Variants in CSF1 observed in about 807,000 individuals in gnomAD.
CSF1 encodes the protein colony stimulating factor 1.
In CSF1, 9 loss-of-function variants were observed where a neutral mutation model predicts 48.9. The ratio of observed to expected loss-of-function variants is 0.18; its 90% CI spans 0.11 to 0.32. The LOEUF (loss-of-function observed/expected upper bound fraction) is 0.32. CSF1 is among the 10% of genes least tolerant of loss of function. The probability of loss-of-function intolerance (pLI) is 1.00; values close to 1 mark genes in which losing one functional copy is unlikely to be tolerated. For missense variants in CSF1, 672 were observed against 697.9 expected (o/e 0.96, Z 0.42); for synonymous variants, 305 against 284.1 (o/e 1.07, Z -0.74).
At chr1:109,919,098 C>T (rs998621054) in intron 4 of CSF1, among the ~76,000 whole-genome samples, 8 of 152,104 alleles carry the variant, frequency 5.3e-5, no homozygotes, top group African/African-American at 1.9e-4. Flanking sequence ...GATTTGGCAA[C>T]GTGTCACACA....
chr1:109,920,564 G>T (rs528254847), intron 4 of CSF1, among the ~76,000 whole-genome samples: 8 of 152,256 alleles, frequency 5.3e-5, no homozygotes, highest in African/African-American at 1.9e-4. Flanking sequence ...TGATCAGCCT[G>T]CCTCGGCCTC....
chr1:109,912,479 C>G (rs543022605), intron 1 of CSF1, among the ~76,000 whole-genome samples: 1 of 152,246 alleles, frequency 6.6e-6, no homozygotes, highest in East Asian at 1.9e-4. Flanking sequence ...TGTTAACCCC[C>G]CACTGTCTGT....
intron 2 of CSF1, 102 bp from the exon 3 acceptor site, chr1:109,915,532 A>C: frequency 1.0e-6 from 1 of 982,728 alleles, no homozygotes; most frequent in Non-Finnish European, 1.6e-6. Context: ...TGAAGTTCAA[A>C]CCCCAATCCA....
intron 4 of CSF1, among the ~76,000 whole-genome samples, 170 bp from the exon 5 acceptor site, chr1:109,921,677 T>C (rs1647549841): frequency 6.6e-6 from 1 of 152,166 alleles, no homozygotes; most frequent in African/African-American, 2.4e-5. Flanking sequence ...ATAAATGACA[T>C]ATCTCATAAC....
At chr1:109,920,767 A>C (rs550200583) in intron 4 of CSF1, among the ~76,000 whole-genome samples, 1 of 152,304 alleles carries the variant, frequency 6.6e-6, no homozygotes, top group African/African-American at 2.4e-5. Flanking sequence ...AGTGGCATTT[A>C]GGCCCTGGAT....
intron 4 of CSF1, among the ~76,000 whole-genome samples, chr1:109,920,976 C>T (rs1647504100): frequency 6.6e-6 from 1 of 152,104 alleles, no homozygotes; most frequent in Admixed American, 6.5e-5. Context: ...GAAGCCGGGG[C>T]CCCTTGAGCA....
chr1:109,922,337 C>T (rs1647596106), intron 5 of CSF1: 2 of 212,574 alleles, frequency 9.4e-6, no homozygotes, highest in Admixed American at 5.9e-5. Flanking sequence ...GCTCTGCAGG[C>T]TGGCTGAACG....
At position 109,924,822 on chromosome 1, in the gene CSF1, AG is replaced by A; in HGVS notation, c.1619del (p.Gly540AlafsTer4). Reference protein sequence around the residue: ...QRADSPLEQPEGSPLTQDDRQ... With the variant: ...QRADSPLEQPXGSPLTQDDRQ... ...GCGGATTCTCCCTTGGAGCAACCAG[AG>A]GGCAGGTGAGAGCTTGAGGTGGGGC... On this transcript the variant is annotated frameshift_variant, in exon 7 of 9. Transcript: ENST00000329608. LOFTEE classifies it high-confidence loss of function. The A allele has an allele frequency of 6.2e-7, 1 of 1,605,718 alleles. No individual in the cohort carries two copies. Among genetic ancestry groups the A allele is most frequent in the Non-Finnish European group, 8.5e-7 (1 of 1,175,982 alleles).
At chr1:109,919,883 A>G (rs932068417) in intron 4 of CSF1, among the ~76,000 whole-genome samples, 2 of 152,034 alleles carry the variant, frequency 1.3e-5, no homozygotes, top group African/African-American at 2.4e-5. Flanking sequence ...CGCTTGACCC[A>G]GGGTGGCGGA....
chr1:109,929,351 C>G lies in CSF1; in HGVS notation c.*513C>G, dbSNP rs963851434. ...TGAAGTTCGTGGGGCGGGACAGCGTCGGCCTGATTTCCCGTAAAGGTGTGC... is the reference window on the plus strand; with the variant it reads ...TGAAGTTCGTGGGGCGGGACAGCGTGGGCCTGATTTCCCGTAAAGGTGTGC... On this transcript the variant is annotated 3_prime_UTR_variant, in exon 9 of 9. Transcript: ENST00000329608. The G allele has an allele frequency of 6.5e-6, 1 of 152,790 alleles. No individual in the cohort carries two copies. The highest frequency in any genetic ancestry group is 1.5e-5 in the Non-Finnish European group (1 of 68,206). 9.5% of individuals were successfully genotyped at this position (152,790 alleles called of 1,614,324 possible). A position where few individuals can be genotyped will look rare whatever the true frequency, so the allele number is the denominator to read the frequency against.
chr1:109,925,032 C>A, intron 7 of CSF1, 115 bp from the exon 8 acceptor site: 2 of 1,128,882 alleles, frequency 1.8e-6, no homozygotes, highest in African/African-American at 1.5e-5. Context: ...AGTTCTGGGT[C>A]TTTTCAATCT....
intron 1 of CSF1, among the ~76,000 whole-genome samples, chr1:109,911,845 G>A (rs1194918762): frequency 6.6e-6 from 1 of 152,312 alleles, no homozygotes; most frequent in African/African-American, 2.4e-5. Flanking sequence ...CCAGGGGCAG[G>A]GTCTGCTCCT....
chr1:109,917,559 C>A, intron 4 of CSF1, 96 bp downstream of exon 4: 2 of 1,203,118 alleles, frequency 1.7e-6, no homozygotes, highest in Non-Finnish European at 2.4e-6. Context: ...TCGCTCACCT[C>A]GCCTCACGCC....
At position 109,923,949 on chromosome 1, in the gene CSF1, G is replaced by A; in HGVS notation, c.1328G>A (p.Arg443Lys). The A allele has an allele frequency of 6.2e-7, 1 of 1,614,188 alleles. No individual in the cohort carries two copies. The highest frequency in any genetic ancestry group is 1.1e-5 in the South Asian group (1 of 91,088). ...CTGCCCCTTGGGGAGCTGGAGGGCA[G>A]GAGGAGCACCAGGGATCGGAGGAGC... ...SVLPLGELEG[R>K]RSTRDRRSPA... Residue 443 changes from arginine to lysine, a missense_variant, in exon 6 of 9, where the codon AGG (arginine) becomes AAG (lysine). By Grantham distance (26) the Arg-to-Lys change is conservative. Transcript: ENST00000329608.
At chr1:109,928,146 C>A (rs1252263026) in intron 8 of CSF1, among the ~76,000 whole-genome samples, 1 of 152,168 alleles carries the variant, frequency 6.6e-6, no homozygotes, top group African/African-American at 2.4e-5. Context: ...AACAAAGCGT[C>A]CTGAGGATGC....
Position 109,924,128 on chromosome 1 carries a change from C to T in CSF1, c.1507C>T (p.Pro503Ser), listed in dbSNP as rs2101655254. The T allele has an allele frequency of 1.9e-6, 3 of 1,614,092 alleles. No individual in the cohort carries two copies. Among genetic ancestry groups the T allele is most frequent in the Non-Finnish European group, 2.5e-6 (3 of 1,179,984 alleles). ...LQESVFHLLV[P>S]SVILVLLAVG... ...GGAGTCTGTCTTCCACCTGCTGGTG[C>T]CCAGTGTCATCCTGGTCTTGCTGGC... The change falls in exon 6 of 9, where the codon CCC becomes TCC. Residue 503 changes from proline to serine, a missense_variant. Transcript: ENST00000329608.
chr1:109,922,874 T>C (rs1647627381), intron 5 of CSF1, among the ~76,000 whole-genome samples: 4 of 152,172 alleles, frequency 2.6e-5, no homozygotes, highest in Admixed American at 2.6e-4. Flanking sequence ...CTGTGGCCAG[T>C]GGGAACCCCT....
intron 4 of CSF1, among the ~76,000 whole-genome samples, chr1:109,920,002 C>T (rs549240334): frequency 4.9e-4 from 74 of 151,880 alleles, no homozygotes; most frequent in South Asian, 2.5e-3. Flanking sequence ...GAATCTGCAT[C>T]TTAAGCAGCT....
In CSF1 at chr1:109,924,136, C is replaced by T; in HGVS notation, c.1515C>T (p.Val505=). The change falls in exon 6 of 9, where the codon GTC becomes GTT. Residue 505 remains valine (V), a synonymous_variant. Transcript: ENST00000329608. ...TCTTCCACCTGCTGGTGCCCAGTGT[C>T]ATCCTGGTCTTGCTGGCCGTCGGAG... ...ESVFHLLVPS[V]ILVLLAVGGL... The T allele has an allele frequency of 6.2e-7, 1 of 1,613,982 alleles. No homozygotes were observed. The highest frequency in any genetic ancestry group is 1.7e-5 in the Admixed American group (1 of 59,996).
Sources: allele counts gnomAD v4.1 joint callset (sites outside exome capture counted in the v4.1 genomes callset), GRCh38; gene constraint gnomAD v4.1.1; transcripts MANE v1.5; gene names NCBI Gene and HGNC (gene_info 2026-07-23, HGNC 2026-07-21).